CCSER1: variants seen among roughly 807,000 people sequenced by gnomAD.
CCSER1 encodes the protein coiled-coil serine rich protein 1.
Under a neutral mutation model 82.0 loss-of-function variants are expected in CCSER1, and 41 were observed. That is an observed-to-expected ratio of 0.50 (90% CI 0.39 to 0.65). CCSER1 has a LOEUF of 0.65. Ranked by LOEUF, CCSER1 falls within the 30% of genes least tolerant of loss-of-function variation. The pLI, the probability that CCSER1 is intolerant of heterozygous loss-of-function variation, is 0.00. For synonymous variants in CCSER1, 414 were observed against 383.9 expected (o/e 1.08, Z -0.92); for missense variants, 1,119 against 1,064.2 (o/e 1.05, Z -0.72).
chr4:90,724,071 TG>T, intron 7 of CCSER1, 80 bp downstream of exon 7: 1 of 850,602 alleles, frequency 1.2e-6, no homozygotes, highest in Non-Finnish European at 1.9e-6. Flanking sequence ...TATGTGTAGA[TG>T]GTGAAGTGAA....
At chr4:91,395,428 CG>C (rs1751918081) in intron 10 of CCSER1, among the ~76,000 whole-genome samples, 2 of 151,996 alleles carry the variant, frequency 1.3e-5, no homozygotes, top group Admixed American at 1.3e-4. Flanking sequence ...TTTCCAAATG[CG>C]GCCTGATGGA....
At chr4:91,557,167 G>T (rs1230766554) in intron 10 of CCSER1, among the ~76,000 whole-genome samples, 1 of 151,338 alleles carries the variant, frequency 6.6e-6, no homozygotes, top group African/African-American at 2.4e-5. Context: ...ATTGTTCAAG[G>T]ATACATCAGA....
At chr4:90,243,062 C>CTCT (rs1553968405) in intron 1 of CCSER1, among the ~76,000 whole-genome samples, 2,246 of 126,916 alleles carry the variant, frequency 0.018, 39 homozygotes, top group African/African-American at 0.047. Flanking sequence ...CTCTCTCTCT[C>CTCT]TTTTTTTTTT....
chr4:90,359,560 A>G (rs1744922518), intron 3 of CCSER1, among the ~76,000 whole-genome samples: 2 of 151,864 alleles, frequency 1.3e-5, no homozygotes, highest in South Asian at 4.2e-4. Context: ...AAGGATGGTG[A>G]AGCCCCATCT....
At chr4:90,631,870 C>T (rs1035438888) in intron 6 of CCSER1, among the ~76,000 whole-genome samples, 2 of 151,924 alleles carry the variant, frequency 1.3e-5, no homozygotes, top group Non-Finnish European at 2.9e-5. Context: ...ATAAAATTAC[C>T]TTTGGGCTAT....
chr4:91,403,426 A>C (rs144986149), intron 10 of CCSER1, among the ~76,000 whole-genome samples: 1 of 152,164 alleles, frequency 6.6e-6, no homozygotes, highest in East Asian at 1.9e-4. Flanking sequence ...AACTTGCAAC[A>C]TTATGTTCAA....
intron 7 of CCSER1, among the ~76,000 whole-genome samples, chr4:90,792,967 T>C (rs2149668336): frequency 6.6e-6 from 1 of 152,188 alleles, no homozygotes; most frequent in Middle Eastern, 3.4e-3. Flanking sequence ...ATGTTTCAGC[T>C]GATAAAGAAG....
chr4:90,866,882 C>T (rs1442443702), intron 8 of CCSER1, among the ~76,000 whole-genome samples: 1 of 151,942 alleles, frequency 6.6e-6, no homozygotes, highest in Non-Finnish European at 1.5e-5. Context: ...ATCCAGTTCA[C>T]AGTAGGATTC....
chr4:91,247,513 G>T (rs1739891434), intron 10 of CCSER1, among the ~76,000 whole-genome samples: 1 of 152,098 alleles, frequency 6.6e-6, no homozygotes, highest in South Asian at 2.1e-4. Context: ...GGACCTAGAG[G>T]CAATGACACA....
chr4:90,674,364 A>T (rs11939938), intron 6 of CCSER1, among the ~76,000 whole-genome samples: 2 of 151,674 alleles, frequency 1.3e-5, no homozygotes, highest in African/African-American at 4.8e-5. Context: ...CAGGCATCTT[A>T]TTGGAGACAG....
chr4:91,072,940 T>G (rs557619016), intron 9 of CCSER1, among the ~76,000 whole-genome samples: 1 of 152,254 alleles, frequency 6.6e-6, no homozygotes, highest in Non-Finnish European at 1.5e-5. Flanking sequence ...AGAAGTATCC[T>G]GTGGTATGGT....
chr4:90,204,433 C>G (rs935452344), intron 1 of CCSER1, among the ~76,000 whole-genome samples: 1 of 152,156 alleles, frequency 6.6e-6, no homozygotes, highest in Non-Finnish European at 1.5e-5. Flanking sequence ...TTCCCAACAC[C>G]ATTTATTAAA....
At chr4:90,398,891 A>T (rs2153543506) in intron 3 of CCSER1, among the ~76,000 whole-genome samples, 1 of 152,250 alleles carries the variant, frequency 6.6e-6, no homozygotes, top group East Asian at 1.9e-4. Flanking sequence ...AGGTTTATTT[A>T]AAAGCCCCAG....
At chr4:91,510,017 C>G (rs539560711) in intron 10 of CCSER1, among the ~76,000 whole-genome samples, 85 of 152,036 alleles carry the variant, frequency 5.6e-4, no homozygotes, top group Non-Finnish European at 1.1e-3. Flanking sequence ...TCCACCCTCC[C>G]ATCCCATATA....
intron 3 of CCSER1, among the ~76,000 whole-genome samples, chr4:90,323,629 T>G (rs1270801800): frequency 3.3e-5 from 5 of 152,276 alleles, no homozygotes; most frequent in South Asian, 2.1e-4. Flanking sequence ...GTAATGGTGG[T>G]TTGGGCAATG....
chr4:90,533,934 A>G (rs1774947565), intron 5 of CCSER1, among the ~76,000 whole-genome samples: 1 of 152,228 alleles, frequency 6.6e-6, no homozygotes, highest in African/African-American at 2.4e-5. Flanking sequence ...GTGCTTTAAC[A>G]AAGAATATCC....
intron 9 of CCSER1, among the ~76,000 whole-genome samples, chr4:90,955,380 A>T (rs908931234): frequency 6.6e-6 from 1 of 152,188 alleles, no homozygotes; most frequent in African/African-American, 2.4e-5. Context: ...TTAGCTCACA[A>T]AAATAAGGCA....
intron 10 of CCSER1, among the ~76,000 whole-genome samples, chr4:91,150,561 G>A (rs1045719217): frequency 1.3e-5 from 2 of 152,156 alleles, no homozygotes; most frequent in Non-Finnish European, 2.9e-5. Context: ...TTGTGTGCCA[G>A]TTTTCAAAGG....
At chr4:91,543,641 C>A (rs188263878) in intron 10 of CCSER1, among the ~76,000 whole-genome samples, 1 of 152,204 alleles carries the variant, frequency 6.6e-6, no homozygotes, top group African/African-American at 2.4e-5. Flanking sequence ...CACTCTCTTC[C>A]GGCTTGTAGA....
Sources: gnomAD v4.1 joint callset for allele counts (sites outside exome capture counted in the v4.1 genomes callset) on GRCh38, gnomAD v4.1.1 for gene constraint, MANE v1.5 for transcripts, NCBI Gene and HGNC (gene_info 2026-07-23, HGNC 2026-07-21) for gene names.